The following PDE4B variants were observed in gnomAD, a reference collection of about 807,000 sequenced individuals.
PDE4B encodes 3',5'-cyclic-AMP phosphodiesterase 4B.
In PDE4B, 20 loss-of-function variants were observed where a neutral mutation model predicts 82.2. The ratio of observed to expected loss-of-function variants is 0.24; its 90% CI spans 0.17 to 0.35. The LOEUF is 0.35. PDE4B is among the 10% of genes least tolerant of loss of function. The pLI is 1.00. For synonymous variants in PDE4B, 320 were observed against 318.9 expected, an observed-to-expected ratio of 1.00 and a Z score of -0.04; for missense variants, 655 against 907.2, an observed-to-expected ratio of 0.72 and a Z score of 3.57.
At chr1:66,351,601 G>A (rs549792381) in intron 8 of PDE4B, among the ~76,000 whole-genome samples, 1 of 152,122 alleles carries the variant, frequency 6.6e-6, no homozygotes, top group African/African-American at 2.4e-5. Flanking sequence ...GGGAAGTCTT[G>A]GTTGCTGGTA....
At chr1:66,226,479 C>A (rs563264551) in intron 3 of PDE4B, among the ~76,000 whole-genome samples, 23 of 152,314 alleles carry the variant, frequency 1.5e-4, no homozygotes, top group African/African-American at 4.3e-4. Flanking sequence ...ATTGACTAGA[C>A]CAGAAAACCC....
At chr1:66,306,381 G>A (rs1570661518) in intron 7 of PDE4B, among the ~76,000 whole-genome samples, 2 of 152,260 alleles carry the variant, frequency 1.3e-5, no homozygotes, top group South Asian at 4.1e-4. Flanking sequence ...AGTGACTGCA[G>A]AAGTCCTAGT....
intron 3 of PDE4B, among the ~76,000 whole-genome samples, chr1:66,102,818 A>G (rs1019917588): frequency 1.6e-4 from 24 of 152,088 alleles, no homozygotes; most frequent in African/African-American, 4.8e-4. Context: ...AGGCAGTTCT[A>G]GAAAGCAGAA....
intron 3 of PDE4B, among the ~76,000 whole-genome samples, chr1:66,234,121 T>A (rs923787864): frequency 6.6e-6 from 1 of 152,200 alleles, no homozygotes; most frequent in Non-Finnish European, 1.5e-5. Context: ...AGTGAAGTTA[T>A]CTGGGCATGC....
chr1:65,893,797 T>C (rs1279125983), intron 1 of PDE4B, among the ~76,000 whole-genome samples: 5 of 152,122 alleles, frequency 3.3e-5, no homozygotes, highest in South Asian at 2.1e-4. Context: ...ATGTATACCA[T>C]GGAAGACTAC....
At chr1:65,956,998 A>C (rs1649295624) in intron 3 of PDE4B, among the ~76,000 whole-genome samples, 2 of 152,056 alleles carry the variant, frequency 1.3e-5, no homozygotes, top group African/African-American at 2.4e-5. Flanking sequence ...AAGACTGGAC[A>C]ATTTTCAGAT....
chr1:65,834,147 T>A (rs1646114430), intron 1 of PDE4B, among the ~76,000 whole-genome samples: 2 of 152,138 alleles, frequency 1.3e-5, no homozygotes, highest in Non-Finnish European at 2.9e-5. Flanking sequence ...CGGGTTTAAG[T>A]GATTCTCCTG....
At chr1:66,198,347 T>G (rs928168984) in intron 3 of PDE4B, among the ~76,000 whole-genome samples, 4 of 152,156 alleles carry the variant, frequency 2.6e-5, no homozygotes, top group Non-Finnish European at 5.9e-5. Context: ...ATTTTTTCTA[T>G]TTATAAAAGA....
intron 1 of PDE4B, among the ~76,000 whole-genome samples, chr1:65,823,115 A>G (rs1042850483): frequency 6.6e-5 from 10 of 152,068 alleles, no homozygotes; most frequent in Non-Finnish European, 4.4e-5. Flanking sequence ...AATTCTGGAC[A>G]GGCTGGGCAC....
intron 3 of PDE4B, among the ~76,000 whole-genome samples, chr1:65,964,715 A>G (rs1649722971): frequency 1.3e-5 from 2 of 152,208 alleles, no homozygotes; most frequent in Admixed American, 1.3e-4. Flanking sequence ...CTGCTATCTG[A>G]CCATTTAAAA....
At chr1:66,193,176 A>G (rs997754498) in intron 3 of PDE4B, among the ~76,000 whole-genome samples, 4 of 152,198 alleles carry the variant, frequency 2.6e-5, no homozygotes, top group African/African-American at 9.6e-5. Flanking sequence ...AAGGAATTTC[A>G]TGTTGTTTGT....
intron 7 of PDE4B, among the ~76,000 whole-genome samples, chr1:66,291,142 C>A (rs772808323): frequency 2.0e-5 from 3 of 152,128 alleles, no homozygotes; most frequent in African/African-American, 7.2e-5. Flanking sequence ...CTGAGCATGT[C>A]TTTTATATCA....
intron 4 of PDE4B, among the ~76,000 whole-genome samples, chr1:66,253,125 TG>T (rs1429856359): frequency 6.6e-6 from 1 of 152,210 alleles, no homozygotes; most frequent in Non-Finnish European, 1.5e-5. Flanking sequence ...CACAGAACCC[TG>T]TTTGACAGGT....
At chr1:66,247,047 A>G (rs1653369566) in intron 3 of PDE4B, among the ~76,000 whole-genome samples, 1 of 152,172 alleles carries the variant, frequency 6.6e-6, no homozygotes, top group African/African-American at 2.4e-5. Flanking sequence ...GACTTTACTC[A>G]TGTGATAGTT....
chr1:65,794,791 G>A (rs1037545491), intron 1 of PDE4B, among the ~76,000 whole-genome samples: 1 of 152,130 alleles, frequency 6.6e-6, no homozygotes, highest in Non-Finnish European at 1.5e-5. Flanking sequence ...TTATGAGATG[G>A]CATGATCGAT....
intron 8 of PDE4B, among the ~76,000 whole-genome samples, chr1:66,351,414 C>G (rs1052773568): frequency 1.3e-5 from 2 of 152,072 alleles, no homozygotes; most frequent in Non-Finnish European, 2.9e-5. Context: ...ACAGTTTTAC[C>G]CAGGAGCTAT....
intron 9 of PDE4B, among the ~76,000 whole-genome samples, chr1:66,357,310 G>A (rs1385494407): frequency 6.6e-6 from 1 of 152,124 alleles, no homozygotes; most frequent in Non-Finnish European, 1.5e-5. Flanking sequence ...CAAGGACAAC[G>A]AGAATATCTT....
chr1:66,368,549 T>C (rs1197483722), intron 15 of PDE4B, among the ~76,000 whole-genome samples: 1 of 152,218 alleles, frequency 6.6e-6, no homozygotes, highest in Admixed American at 6.5e-5. Flanking sequence ...ATTTTTAAAT[T>C]CAATGACTGT....
chr1:66,070,749 C>T (rs2100926480), intron 3 of PDE4B, among the ~76,000 whole-genome samples: 1 of 152,004 alleles, frequency 6.6e-6, no homozygotes, highest in Non-Finnish European at 1.5e-5. Context: ...TGAAGTGATT[C>T]CTTCTTATTT....
Sources: allele counts gnomAD v4.1 joint callset (sites outside exome capture counted in the v4.1 genomes callset), GRCh38; gene constraint gnomAD v4.1.1; transcripts MANE v1.5; gene names NCBI Gene and HGNC (gene_info 2026-07-23, HGNC 2026-07-21).